Variants in OPRM1 observed in about 807,000 individuals in gnomAD.
The protein encoded by OPRM1 is opioid receptor mu 1, also known as mu-type opioid receptor.
OPRM1 carries 27 observed loss-of-function variants against 31.8 expected under a neutral mutation model. That is an observed-to-expected ratio of 0.85 (90% CI 0.63 to 1.17). The LOEUF (loss-of-function observed/expected upper bound fraction) is 1.17, where lower values mean the gene tolerates loss of function less well. OPRM1 is among the 50% of genes most tolerant of loss of function. The probability of loss-of-function intolerance (pLI) is 0.00; values close to 1 mark genes in which losing one functional copy is unlikely to be tolerated. For missense variants in OPRM1, 536 were observed against 511.1 expected, an observed-to-expected ratio of 1.05 and a Z score of -0.47; for synonymous variants, 196 against 189.9, an observed-to-expected ratio of 1.03 and a Z score of -0.26.
In OPRM1 at chr6:154,089,809, C is replaced by T; in HGVS notation, c.291-17C>T. 3 of 1,564,930 alleles carry T rather than the reference C, an allele frequency of 1.9e-6. No homozygotes were observed. The highest frequency in any genetic ancestry group is 2.6e-6 in the Non-Finnish European group (3 of 1,141,988). ...GTGTCTTTTACTGATTCTCACTCTT[C>T]TTCCTTTATCTCCTAGATACACCAA... On this transcript the variant is annotated splice_polypyrimidine_tract_variant and intron_variant, in intron 1 of 3. Transcript: ENST00000330432.
chr6:154,223,070 G>T, intron 3 of OPRM1: 2 of 922,526 alleles, frequency 2.2e-6, no homozygotes, highest in African/African-American at 1.6e-5. Context: ...ACATTCCGAT[G>T]TTACCTTCAC....
intron 1 of OPRM1, among the ~76,000 whole-genome samples, chr6:154,045,286 A>G (rs1780906604): frequency 6.6e-6 from 1 of 152,166 alleles, no homozygotes; most frequent in Non-Finnish European, 1.5e-5. Flanking sequence ...TAAATGGTGC[A>G]TGTCATTTTA....
intron 3 of OPRM1, among the ~76,000 whole-genome samples, chr6:154,140,706 T>C (rs1319189595): frequency 1.3e-5 from 2 of 152,112 alleles, no homozygotes; most frequent in African/African-American, 4.8e-5. Context: ...AGGAGGCCAT[T>C]ATGAATCATA....
intron 3 of OPRM1, among the ~76,000 whole-genome samples, chr6:154,179,803 C>G (rs1381989342): frequency 6.6e-6 from 1 of 152,210 alleles, no homozygotes; most frequent in Non-Finnish European, 1.5e-5. Flanking sequence ...TTCACTTTCA[C>G]ACCGTGCAGA....
intron 1 of OPRM1, among the ~76,000 whole-genome samples, chr6:154,049,139 A>G (rs1433120943): frequency 6.6e-6 from 1 of 152,194 alleles, no homozygotes; most frequent in African/African-American, 2.4e-5. Flanking sequence ...GGTTAACAGC[A>G]CTATAAATCA....
At chr6:154,200,852 A>C (rs1777010004) in intron 3 of OPRM1, among the ~76,000 whole-genome samples, 1 of 152,218 alleles carries the variant, frequency 6.6e-6, no homozygotes, top group African/African-American at 2.4e-5. Context: ...ACACAGAGAA[A>C]ACATCAAAGC....
In OPRM1 at chr6:154,128,369, A is replaced by G. The variant is rs1205941586; in HGVS notation, c.*9648A>G. On this transcript the variant is annotated 3_prime_UTR_variant, in exon 4 of 4. Coordinates refer to ENST00000330432, the MANE Select transcript of OPRM1 (RefSeq NM_000914.5). ...TCTAACTAAATCTTATCATAAGCAAATCTATGCACCAAATTATTTAGTACA... is the reference window on the plus strand; with the variant it reads ...TCTAACTAAATCTTATCATAAGCAAGTCTATGCACCAAATTATTTAGTACA... Among the ~76,000 whole-genome samples the G allele has an allele frequency of 6.6e-6, 1 of 152,188 alleles. No individual in the cohort carries two copies. Among genetic ancestry groups the G allele is most frequent in the African/African-American group, 2.4e-5 (1 of 41,444 alleles).
At chr6:154,116,825 G>A (rs142025053) in intron 3 of OPRM1, among the ~76,000 whole-genome samples, 165 of 152,058 alleles carry the variant, frequency 1.1e-3, no homozygotes, top group Non-Finnish European at 3.1e-4. Flanking sequence ...GCCAAGTGTC[G>A]AACAGCCCCT....
At position 154,131,940 on chromosome 6, in the gene OPRM1, TG is replaced by T. The variant is rs1419494382; in HGVS notation, c.*13221del. ...GTCTGGGAGTTTTTCTATAAGTTTT[TG>T]GTTTTTTTTTTTTTTTCTCTTCATT... On this transcript the variant is annotated 3_prime_UTR_variant, in exon 4 of 4. Coordinates refer to ENST00000330432, the MANE Select transcript of OPRM1 (RefSeq NM_000914.5). Among the ~76,000 whole-genome samples the T allele has an allele frequency of 5.2e-5, 6 of 116,124 alleles. No individual in the cohort carries two copies. Among genetic ancestry groups the T allele is most frequent in the South Asian group, 3.4e-4 (1 of 2,946 alleles). 76.2% of individuals were successfully genotyped at this position (116,124 alleles called of 152,430 possible). A position where few individuals can be genotyped will look rare whatever the true frequency, so the allele number is the denominator to read the frequency against.
At chr6:154,197,625 G>T (rs542536245) in intron 3 of OPRM1, among the ~76,000 whole-genome samples, 1 of 152,216 alleles carries the variant, frequency 6.6e-6, no homozygotes, top group African/African-American at 2.4e-5. Flanking sequence ...ACATTAAAAG[G>T]GCTGGTGGTA....
intron 3 of OPRM1, among the ~76,000 whole-genome samples, chr6:154,167,644 T>C (rs879896957): frequency 6.6e-6 from 1 of 152,206 alleles, no homozygotes; most frequent in Non-Finnish European, 1.5e-5. Context: ...TTATGCATGG[T>C]CCTTGCTGTC....
chr6:154,072,605 A>G (rs956024295), intron 1 of OPRM1, among the ~76,000 whole-genome samples: 2 of 152,240 alleles, frequency 1.3e-5, no homozygotes, highest in Non-Finnish European at 2.9e-5. Flanking sequence ...TTTAGAGAAT[A>G]TAAAGCAATA....
At chr6:154,078,166 CTTAAG>C (rs908298895) in intron 1 of OPRM1, among the ~76,000 whole-genome samples, 1 of 152,074 alleles carries the variant, frequency 6.6e-6, no homozygotes, top group African/African-American at 2.4e-5. Flanking sequence ...ATACTTTCTC[CTTAAG>C]TTTTCTTCCT....
Position 154,159,597 on chromosome 6 carries a change from A to C in OPRM1, c.1164+68125A>C. 1.5e-5 allele frequency: 8 copies of C among 529,150 alleles called. No homozygotes were observed. The Admixed American group carries it at 2.7e-4, about 18-fold the overall frequency. The allele number at this position is 529,150 out of a possible 1,614,324, so 32.8% of individuals were successfully genotyped here. Reference sequence around the variant, plus strand: ...TGAGCTCCCAGTAGGAACACAAAAAACGCCTTTCAACTGAACTCAATCATT... The same window carrying C: ...TGAGCTCCCAGTAGGAACACAAAAACCGCCTTTCAACTGAACTCAATCATT... On this transcript the variant is annotated intron_variant, in intron 3 of 3. Transcript: ENST00000337049.
At chr6:154,167,129 C>T (rs906893706) in intron 3 of OPRM1, among the ~76,000 whole-genome samples, 42 of 152,276 alleles carry the variant, frequency 2.8e-4, no homozygotes, top group African/African-American at 9.9e-4. Context: ...AGGCCACAGA[C>T]AAAACAAAAT....
chr6:154,200,523 C>A (rs768676487), intron 3 of OPRM1, among the ~76,000 whole-genome samples: 1 of 152,080 alleles, frequency 6.6e-6, no homozygotes, highest in Non-Finnish European at 1.5e-5. Flanking sequence ...GAGTTTGAGA[C>A]CAGCCGGGCC....
intron 3 of OPRM1, among the ~76,000 whole-genome samples, chr6:154,163,295 C>T (rs1362035735): frequency 1.3e-5 from 2 of 152,226 alleles, no homozygotes; most frequent in African/African-American, 4.8e-5. Context: ...TAGGCACACT[C>T]CCGCCCCAAG....
intron 3 of OPRM1, among the ~76,000 whole-genome samples, chr6:154,138,715 A>T (rs1007002798): frequency 6.6e-6 from 1 of 152,262 alleles, no homozygotes; most frequent in Non-Finnish European, 1.5e-5. Flanking sequence ...AGTTTAAAAC[A>T]AAGATGATAA....
chr6:154,237,827 T>C (rs1780255086), intron 3 of OPRM1, among the ~76,000 whole-genome samples: 1 of 152,020 alleles, frequency 6.6e-6, no homozygotes, highest in Non-Finnish European at 1.5e-5. Flanking sequence ...TGCATATCTA[T>C]ATATATGTTA....
Sources: gnomAD v4.1 joint callset for allele counts (sites outside exome capture counted in the v4.1 genomes callset) on GRCh38, gnomAD v4.1.1 for gene constraint, MANE v1.5 for transcripts, NCBI Gene and HGNC (gene_info 2026-07-23, HGNC 2026-07-21) for gene names.